ARHGEF18: variants seen among roughly 807,000 people sequenced by gnomAD.
The protein encoded by ARHGEF18 is Rho/Rac guanine nucleotide exchange factor 18, also known as rho guanine nucleotide exchange factor 18.
Under a neutral mutation model 155.7 loss-of-function variants are expected in ARHGEF18, and 93 were observed. The ratio of observed to expected loss-of-function variants is 0.60; its 90% CI spans 0.50 to 0.71. The LOEUF (loss-of-function observed/expected upper bound fraction) is 0.71. ARHGEF18 is among the 30% of genes least tolerant of loss of function. ARHGEF18 has a pLI of 0.00. For missense variants in ARHGEF18, 1,593 were observed against 1,816.1 expected, an observed-to-expected ratio of 0.88 and a Z score of 2.23; for synonymous variants, 742 against 753.1, an observed-to-expected ratio of 0.99 and a Z score of 0.24.
chr19:7,464,755 C>T, intron 23 of ARHGEF18, 65 bp downstream of exon 23: 3 of 1,589,524 alleles, frequency 1.9e-6, no homozygotes, highest in Admixed American at 1.7e-5. Flanking sequence ...GTGTGAGCAG[C>T]TTCTGCTGGG....
In ARHGEF18 at chr19:7,468,898, C is replaced by A. The variant is rs766910888; in HGVS notation, c.3554C>A (p.Ser1185Tyr). 1.1e-5 allele frequency: 18 copies of A among 1,574,546 alleles called. No homozygotes were observed. The highest frequency in any genetic ancestry group is 1.6e-5 in the Non-Finnish European group (18 of 1,160,276). The change falls in exon 27 of 29, where the codon TCC becomes TAC. Residue 1185 changes from serine (S) to tyrosine (Y), a missense_variant. By Grantham distance (144) the Ser-to-Tyr change is moderately radical. Coordinates refer to ENST00000668164, the MANE Select transcript of ARHGEF18 (RefSeq NM_001367823.1). ...LEGPRVSMLP[S>Y]GVGPEYAERP... ...GGCCCTCGTGTGAGCATGCTGCCAT[C>A]CGGCGTGGGGCCAGAGTACGCAGAG...
intron 2 of ARHGEF18, among the ~76,000 whole-genome samples, chr19:7,369,250 TCGGGGGTTTGA>T (rs979283607): frequency 1.5e-4 from 23 of 150,318 alleles, no homozygotes; most frequent in African/African-American, 5.4e-4. Context: ...TCATCTGAGG[TCGGGGGTTTGA>T]GACCAGCCTG....
rs150255562 is a variant in ARHGEF18, at chr19:7,351,544, T to C, written c.-111+2303T>C. 6.8e-3 allele frequency among the ~76,000 whole-genome samples: 1,034 copies of C among 151,510 alleles called. 10 individuals carry two copies. Among genetic ancestry groups the C allele is most frequent in the African/African-American group, 0.024 (980 of 41,282 alleles). On this transcript the variant is annotated intron_variant, in intron 1 of 28. Transcript: ENST00000668164. ...TTCACCGTGTTAGCCAGGATGGTCT[T>C]GATCTCCTGACCTTGTGATCCCCCC...
intron 11 of ARHGEF18, 125 bp from the exon 12 acceptor site, chr19:7,441,528 T>C: frequency 1.4e-6 from 1 of 725,228 alleles, no homozygotes; most frequent in Non-Finnish European, 2.3e-6. Flanking sequence ...GAGGCTTCTG[T>C]GAAAATGTGG....
intron 10 of ARHGEF18, among the ~76,000 whole-genome samples, chr19:7,403,625 C>T (rs951867703): frequency 6.6e-5 from 10 of 150,612 alleles, no homozygotes; most frequent in Admixed American, 6.0e-4. Flanking sequence ...GAAGCCTTGA[C>T]GTCCTGGGCG....
intron 10 of ARHGEF18, among the ~76,000 whole-genome samples, chr19:7,404,678 C>T (rs572331504): frequency 5.7e-4 from 86 of 151,994 alleles, no homozygotes; most frequent in Middle Eastern, 3.4e-3. Context: ...ATTAAAAGGC[C>T]TTTTAGATAG....
In ARHGEF18 at chr19:7,444,544, C is replaced by T. The variant is rs1292937584; in HGVS notation, c.1611+90C>T. The T allele has an allele frequency of 1.1e-5, 16 of 1,521,586 alleles. No individual in the cohort carries two copies. In the East Asian group the frequency reaches 2.3e-4, roughly 22 times the overall value. 94.3% of individuals were successfully genotyped at this position (1,521,586 alleles called of 1,614,324 possible). Reference sequence around the variant, plus strand: ...CTTTTTTTCTGAGATAGGGTCTTGCCGTGTCGCCCAGGCTGGAGTGCAGTG... The same window carrying T: ...CTTTTTTTCTGAGATAGGGTCTTGCTGTGTCGCCCAGGCTGGAGTGCAGTG... On this transcript the variant is annotated intron_variant, in intron 14 of 28. Coordinates refer to ENST00000668164, the MANE Select transcript of ARHGEF18 (RefSeq NM_001367823.1). This position sits in a 1 kb window ranked among gnomAD's most constrained non-coding sequence, Gnocchi z 4.7.
downstream of ARHGEF18, among the ~76,000 whole-genome samples, chr19:7,474,754 A>AGTGTGTGTGTGTGTGTGTGTGT (rs3219570): frequency 0.012 from 1,662 of 141,986 alleles, 31 homozygotes; most frequent in African/African-American, 0.033. Context: ...TGGGCATTGG[A>AGTGTGTGTGTGTGTGTGTGTGT]GTGTGTGTGT....
chr19:7,446,975 G>T (rs748322841), intron 14 of ARHGEF18, 68 bp from the exon 15 acceptor site: 3 of 1,547,902 alleles, frequency 1.9e-6, no homozygotes, highest in Non-Finnish European at 2.6e-6. Context: ...AGACTCAGAC[G>T]AATTAGATGA....
chr19:7,452,951 T>G (rs914744315), intron 16 of ARHGEF18, among the ~76,000 whole-genome samples: 11 of 151,744 alleles, frequency 7.2e-5, no homozygotes, highest in Admixed American at 7.2e-4. Context: ...ATCCCAGCAC[T>G]TTGGGAGGCT....
At chr19:7,351,562 A>G (rs909582144) in intron 1 of ARHGEF18, among the ~76,000 whole-genome samples, 45 of 151,644 alleles carry the variant, frequency 3.0e-4, no homozygotes, top group African/African-American at 1.1e-3. Flanking sequence ...TGACCTTGTG[A>G]TCCCCCCACC....
chr19:7,368,537 G>A (rs1045253752), intron 2 of ARHGEF18, among the ~76,000 whole-genome samples: 4 of 152,104 alleles, frequency 2.6e-5, no homozygotes, highest in East Asian at 1.9e-4. Context: ...AGTGGGAGCT[G>A]GAACAGCCTG....
chr19:7,439,395 A>G (rs537137552), intron 10 of ARHGEF18, among the ~76,000 whole-genome samples: 1 of 152,154 alleles, frequency 6.6e-6, no homozygotes, highest in South Asian at 2.1e-4. Context: ...TTAAGGCTGC[A>G]GTGAGCTATG....
chr19:7,448,726 C>T (rs914873015), intron 15 of ARHGEF18, among the ~76,000 whole-genome samples: 4 of 151,888 alleles, frequency 2.6e-5, no homozygotes, highest in Admixed American at 2.0e-4. Flanking sequence ...GGTCCATGTT[C>T]GCCCCCGGAG....
rs995835585 is a variant in ARHGEF18, at chr19:7,382,938, G to T, written c.825+44G>T. On this transcript the variant is annotated intron_variant, in intron 9 of 28. Transcript: ENST00000668164. ...CGGGGGCCCTCCTCTGCCTTCCCCA[G>T]CTTGGCTTGCTGCCCTTAGCCCGGG... 62 of 1,232,368 alleles carry T rather than the reference G, an allele frequency of 5.0e-5. No individual in the cohort carries two copies. In the African/African-American group the frequency reaches 9.0e-4, roughly 18 times the overall value. The allele number at this position is 1,232,368 out of a possible 1,614,324, so 76.3% of individuals were successfully genotyped here.
At chr19:7,421,429 CT>C (rs1344733560) in intron 10 of ARHGEF18, among the ~76,000 whole-genome samples, 2 of 152,172 alleles carry the variant, frequency 1.3e-5, no homozygotes, top group African/African-American at 2.4e-5. Flanking sequence ...CCCCCCTCTT[CT>C]TTTCTGTTTC....
intron 10 of ARHGEF18, among the ~76,000 whole-genome samples, chr19:7,408,576 T>A (rs1972479530): frequency 6.6e-6 from 1 of 152,232 alleles, no homozygotes; most frequent in African/African-American, 2.4e-5. Context: ...TCTCATGAGC[T>A]TAGCAGCTGT....
chr19:7,453,786 G>A lies in ARHGEF18; in HGVS notation c.2104+71G>A, dbSNP rs564816758. ...CAGTGGGCACTGTCTTGGAGTGGTG[G>A]GCACTGTCTTAGATTAGTGGCACCA... On this transcript the variant is annotated intron_variant, in intron 17 of 28. Transcript: ENST00000668164. 71 of 1,478,744 alleles carry A rather than the reference G, an allele frequency of 4.8e-5. No individual in the cohort carries two copies. The African/African-American group carries it at 8.7e-4, about 18-fold the overall frequency. The allele number at this position is 1,478,744 out of a possible 1,614,324, so 91.6% of individuals were successfully genotyped here.
At chr19:7,367,167 G>A (rs1000701356) in intron 2 of ARHGEF18, among the ~76,000 whole-genome samples, 1 of 152,202 alleles carries the variant, frequency 6.6e-6, no homozygotes, top group African/African-American at 2.4e-5. Context: ...ACAAGTAGGT[G>A]GCAGTATGCC....
Sources: allele counts gnomAD v4.1 joint callset (sites outside exome capture counted in the v4.1 genomes callset), GRCh38; gene constraint gnomAD v4.1.1; non-coding constraint Gnocchi (gnomAD v3.1); transcripts MANE v1.5; gene names NCBI Gene and HGNC (gene_info 2026-07-23, HGNC 2026-07-21).